The following SOX5 variants were observed in gnomAD, a reference collection of about 807,000 sequenced individuals.
SOX5 encodes transcription factor SOX-5.
SOX5 carries 9 observed loss-of-function variants against 92.0 expected under a neutral mutation model. The ratio of observed to expected loss-of-function variants is 0.10; its 90% CI spans 0.06 to 0.17. The LOEUF is 0.17. Among genes scored for constraint, SOX5 ranks in the 10% least tolerant of loss-of-function variants. SOX5 has a pLI of 1.00. For synonymous variants in SOX5, 344 were observed against 336.3 expected (o/e 1.02, Z -0.25); for missense variants, 642 against 944.5 (o/e 0.68, Z 4.20).
chr12:24,461,162 C>T (rs544368213), intron 1 of SOX5, among the ~76,000 whole-genome samples: 4 of 152,254 alleles, frequency 2.6e-5, no homozygotes, highest in South Asian at 4.2e-4. Context: ...GCTGAGTTTT[C>T]GCATTGATAC....
At chr12:23,808,790 T>C (rs967462085) in intron 3 of SOX5, among the ~76,000 whole-genome samples, 5 of 152,176 alleles carry the variant, frequency 3.3e-5, no homozygotes, top group African/African-American at 1.2e-4. Flanking sequence ...TTAGTTTTTC[T>C]GTAACAGTAA....
chr12:23,880,330 C>T (rs896580603), intron 2 of SOX5, among the ~76,000 whole-genome samples: 16 of 152,112 alleles, frequency 1.1e-4, no homozygotes, highest in African/African-American at 3.4e-4. Context: ...TGAATGGACA[C>T]CCATATTATG....
intron 4 of SOX5, among the ~76,000 whole-genome samples, chr12:23,989,854 T>A (rs1462820188): frequency 6.6e-6 from 1 of 152,136 alleles, no homozygotes; most frequent in Admixed American, 6.6e-5. Context: ...CTACCCAGTT[T>A]CTGGGAGTTT....
At position 24,242,908 on chromosome 12, in the gene SOX5, T is replaced by G. The variant is rs7962415; in HGVS notation, c.-76-29491A>C. Among the ~76,000 whole-genome samples, 1,263 of 152,296 alleles carry G rather than the reference T, an allele frequency of 8.3e-3. 6 individuals are homozygous for G. The highest frequency in any genetic ancestry group is 0.013 in the South Asian group (64 of 4,822). On this transcript the variant is annotated intron_variant, in intron 3 of 4. Coordinates refer to the SOX5 transcript ENST00000446891. The stretch of plus-strand genomic sequence containing the variant: ...CTTAAGTGTATATGTACAAAAATAC[T>G]CATTTGAAGTATCATTTTCCAAAGC...
chr12:24,453,766 C>T (rs1478883978), intron 1 of SOX5, among the ~76,000 whole-genome samples: 6 of 152,102 alleles, frequency 3.9e-5, no homozygotes, highest in Non-Finnish European at 5.9e-5. Context: ...TGGTAGCAAG[C>T]TTAGATGACA....
At chr12:24,270,602 A>C (rs1225807518) in intron 3 of SOX5, among the ~76,000 whole-genome samples, 4 of 152,214 alleles carry the variant, frequency 2.6e-5, no homozygotes, top group Non-Finnish European at 5.9e-5. Flanking sequence ...GAAGCACCAC[A>C]CAGGTCATTA....
intron 7 of SOX5, among the ~76,000 whole-genome samples, chr12:23,652,043 C>A (rs773236153): frequency 5.9e-5 from 9 of 151,978 alleles, no homozygotes; most frequent in Non-Finnish European, 1.0e-4. Flanking sequence ...CTGAAACCAT[C>A]ATCTATTTTC....
Position 24,387,893 on chromosome 12 carries a change from C to T in SOX5, c.-250-19254G>A, listed in dbSNP as rs149301527. On this transcript the variant is annotated intron_variant, in intron 1 of 4. Coordinates refer to the SOX5 transcript ENST00000446891. ...ATGGGGTTGAATCCCAACTGAGCAG[C>T]TCATACTCAGAATATTCCCTCTGCT... 1.4e-3 allele frequency among the ~76,000 whole-genome samples: 215 copies of T among 152,282 alleles called. 3 individuals carry two copies. In the South Asian group the frequency reaches 0.029, roughly 21 times the overall value.
intron 4 of SOX5, among the ~76,000 whole-genome samples, chr12:24,043,103 C>G (rs1181507857): frequency 6.6e-6 from 1 of 152,120 alleles, no homozygotes. Context: ...GTGTTGCAAA[C>G]TACCTAAAGA....
intron 4 of SOX5, among the ~76,000 whole-genome samples, chr12:24,068,990 G>GA (rs777019850): frequency 1.9e-3 from 261 of 138,642 alleles, no homozygotes; most frequent in South Asian, 7.1e-3. Flanking sequence ...AGGAATTTGG[G>GA]AAAAAAAAAA....
chr12:24,343,590 T>G (rs561572302), intron 2 of SOX5, among the ~76,000 whole-genome samples: 2 of 152,150 alleles, frequency 1.3e-5, no homozygotes, highest in Admixed American at 6.5e-5. Flanking sequence ...CGCAGTCTTA[T>G]GTCTTTAATC....
intron 3 of SOX5, among the ~76,000 whole-genome samples, chr12:23,826,650 A>C (rs2096240045): frequency 6.6e-6 from 1 of 152,088 alleles, no homozygotes; most frequent in African/African-American, 2.4e-5. Flanking sequence ...GACACTAATG[A>C]AAAATCCTAA....
chr12:23,810,397 T>A (rs2095856518), intron 3 of SOX5, among the ~76,000 whole-genome samples: 1 of 152,136 alleles, frequency 6.6e-6, no homozygotes. Flanking sequence ...TCTAGTGCAT[T>A]CAGAGAGACA....
intron 2 of SOX5, among the ~76,000 whole-genome samples, chr12:24,291,624 A>T (rs1946631522): frequency 6.6e-6 from 1 of 152,248 alleles, no homozygotes; most frequent in South Asian, 2.1e-4. Context: ...TGCTCAATAA[A>T]GATTTGAGTA....
chr12:24,129,270 G>A (rs1006940550), intron 4 of SOX5, among the ~76,000 whole-genome samples: 8 of 152,106 alleles, frequency 5.3e-5, no homozygotes, highest in East Asian at 1.9e-4. Context: ...TTTAGTCTAC[G>A]TCTGTTAAAA....
chr12:23,962,473 C>A (rs186903285), intron 4 of SOX5, among the ~76,000 whole-genome samples: 1 of 152,024 alleles, frequency 6.6e-6, no homozygotes, highest in African/African-American at 2.4e-5. Context: ...TAAAAAGGAA[C>A]AAATGAAGGC....
chr12:24,030,590 A>G (rs1955393083), intron 4 of SOX5, among the ~76,000 whole-genome samples: 1 of 151,990 alleles, frequency 6.6e-6, no homozygotes, highest in Non-Finnish European at 1.5e-5. Context: ...CTGCAAACCT[A>G]CAAGAAGAAA....
chr12:24,308,349 T>G (rs1948824738), intron 2 of SOX5, among the ~76,000 whole-genome samples: 1 of 152,212 alleles, frequency 6.6e-6, no homozygotes, highest in Non-Finnish European at 1.5e-5. Context: ...AGGTCAAACA[T>G]GCACTTGACC....
chr12:23,970,344 G>A (rs1311948637), intron 4 of SOX5, among the ~76,000 whole-genome samples: 1 of 151,760 alleles, frequency 6.6e-6, no homozygotes, highest in Non-Finnish European at 1.5e-5. Context: ...CAATTCAGTG[G>A]CATTAGTTAC....
Sources: allele counts gnomAD v4.1 joint callset (sites outside exome capture counted in the v4.1 genomes callset), GRCh38; gene constraint gnomAD v4.1.1; transcripts MANE v1.5; gene names NCBI Gene and HGNC (gene_info 2026-07-23, HGNC 2026-07-21).